Variants in EHBP1 observed in about 807,000 individuals in gnomAD.
EHBP1 encodes the protein EH domain binding protein 1.
Under a neutral mutation model 144.0 loss-of-function variants are expected in EHBP1, and 55 were observed. The observed-to-expected ratio is 0.38, with a 90% CI of 0.31 to 0.48. The LOEUF (loss-of-function observed/expected upper bound fraction) is 0.48, where lower values mean the gene tolerates loss of function less well. EHBP1 is among the 20% of genes least tolerant of loss of function. The pLI is 0.98. For synonymous variants in EHBP1, 469 were observed against 472.7 expected (o/e 0.99, Z 0.10); for missense variants, 1,200 against 1,364.2 (o/e 0.88, Z 1.90).
chr2:62,674,863 T>C (rs1163095484), intron 1 of EHBP1, among the ~76,000 whole-genome samples: 2 of 152,226 alleles, frequency 1.3e-5, no homozygotes, highest in Non-Finnish European at 1.5e-5. Flanking sequence ...ATTCCTGGCC[T>C]CAAATGATTC....
At chr2:62,805,649 G>A (rs1466121053) in intron 5 of EHBP1, among the ~76,000 whole-genome samples, 1 of 151,736 alleles carries the variant, frequency 6.6e-6, no homozygotes, top group Non-Finnish European at 1.5e-5. Flanking sequence ...TGAGTAGCTG[G>A]GACTACAGGT....
At chr2:62,847,700 C>G (rs981832600) in intron 7 of EHBP1, among the ~76,000 whole-genome samples, 2 of 152,042 alleles carry the variant, frequency 1.3e-5, no homozygotes, top group African/African-American at 4.8e-5. Flanking sequence ...AGAAAATGTA[C>G]GAGCAAGTCA....
chr2:63,018,522 A>G (rs1574489942), intron 19 of EHBP1, among the ~76,000 whole-genome samples: 1 of 152,330 alleles, frequency 6.6e-6, no homozygotes, highest in South Asian at 2.1e-4. Context: ...TCAGAAATGC[A>G]GAGGGCTTCC....
chr2:62,770,166 A>G (rs554961005), intron 4 of EHBP1, among the ~76,000 whole-genome samples: 2 of 152,354 alleles, frequency 1.3e-5, no homozygotes, highest in East Asian at 3.8e-4. Context: ...AAAGTTGACA[A>G]ATGAGATCTA....
chr2:62,880,176 C>T (rs1428570214), intron 10 of EHBP1, among the ~76,000 whole-genome samples: 1 of 152,112 alleles, frequency 6.6e-6, no homozygotes, highest in Non-Finnish European at 1.5e-5. Flanking sequence ...AAGATTGAAA[C>T]TGGACCCCTT....
At chr2:62,823,543 G>A (rs1413788395) in intron 5 of EHBP1, among the ~76,000 whole-genome samples, 2 of 152,104 alleles carry the variant, frequency 1.3e-5, no homozygotes, top group African/African-American at 2.4e-5. Context: ...TTGTTTGAGT[G>A]CAGTTATTTC....
At chr2:62,867,528 G>A (rs2050136080) in intron 9 of EHBP1, among the ~76,000 whole-genome samples, 1 of 152,044 alleles carries the variant, frequency 6.6e-6, no homozygotes, top group African/African-American at 2.4e-5. Flanking sequence ...ACAAAGATGT[G>A]CAATATGTAT....
chr2:62,842,454 C>T (rs1212520128), intron 7 of EHBP1, among the ~76,000 whole-genome samples: 2 of 152,130 alleles, frequency 1.3e-5, no homozygotes, highest in African/African-American at 4.8e-5. Flanking sequence ...ATGATCTCTC[C>T]GTAAGCTCCA....
At chr2:63,037,210 T>G (rs1177063147) in intron 19 of EHBP1, among the ~76,000 whole-genome samples, 1 of 151,998 alleles carries the variant, frequency 6.6e-6, no homozygotes, top group African/African-American at 2.4e-5. Flanking sequence ...CATATGTCTC[T>G]CAGCACTGTG....
intron 4 of EHBP1, among the ~76,000 whole-genome samples, chr2:62,770,629 C>T (rs1487666017): frequency 6.6e-6 from 1 of 152,172 alleles, no homozygotes; most frequent in African/African-American, 2.4e-5. Flanking sequence ...GGCAGAAGGA[C>T]CATTCAACCC....
At chr2:62,786,571 A>G (rs1459295447) in intron 5 of EHBP1, among the ~76,000 whole-genome samples, 1 of 152,168 alleles carries the variant, frequency 6.6e-6, no homozygotes, top group African/African-American at 2.4e-5. Flanking sequence ...CTATGTAGAA[A>G]ATATATCAAT....
intron 7 of EHBP1, among the ~76,000 whole-genome samples, chr2:62,858,734 T>C (rs2049274687): frequency 6.6e-6 from 1 of 152,218 alleles, no homozygotes; most frequent in Non-Finnish European, 1.5e-5. Context: ...TTTAAAACAT[T>C]TTCTAAGATA....
At chr2:62,965,859 A>AT (rs2058221791) in intron 14 of EHBP1, among the ~76,000 whole-genome samples, 1 of 152,008 alleles carries the variant, frequency 6.6e-6, no homozygotes, top group Non-Finnish European at 1.5e-5. Flanking sequence ...TGATATTCTG[A>AT]TTTTTTGCTT....
chr2:63,043,579 A>G (rs1012975571), intron 21 of EHBP1, among the ~76,000 whole-genome samples: 1 of 152,224 alleles, frequency 6.6e-6, no homozygotes, highest in Admixed American at 6.5e-5. Flanking sequence ...ATGATGATGC[A>G]TCTAATTTTT....
chr2:62,775,092 C>T (rs935307547), intron 5 of EHBP1, among the ~76,000 whole-genome samples: 4 of 152,064 alleles, frequency 2.6e-5, no homozygotes, highest in Admixed American at 1.3e-4. Context: ...TAATGAGCCA[C>T]CTTATTATTT....
At chr2:62,917,212 A>C (rs1408543307) in intron 10 of EHBP1, among the ~76,000 whole-genome samples, 1 of 152,146 alleles carries the variant, frequency 6.6e-6, no homozygotes, top group African/African-American at 2.4e-5. Context: ...TAAACATGAA[A>C]TAGGAGGGAG....
In EHBP1 at chr2:63,045,151, C is replaced by T. The variant is rs780207696; in HGVS notation, c.3363C>T (p.Leu1121=). 1.1e-5 allele frequency: 18 copies of T among 1,594,728 alleles called. No individual in the cohort carries two copies. The highest frequency in any genetic ancestry group is 2.3e-5 in the East Asian group (1 of 43,858). Residue 1121 remains leucine (L), a synonymous_variant, in exon 22 of 23, where the codon CTC becomes CTT. Transcript: ENST00000431489. The surrounding 1 kb of genome is among the most constrained non-coding windows in gnomAD (Gnocchi z 5.7). ...CCCTGGTGAACAAGCGCGATGCGCT[C>T]GTCAGGGACCTGGACGCGCAGGAGA... is the stretch of plus-strand genomic sequence containing the variant. ...LVALVNKRDA[L]VRDLDAQEKQ... is the part of the protein sequence containing the mutation.
intron 19 of EHBP1, among the ~76,000 whole-genome samples, chr2:63,000,434 G>A (rs910706152): frequency 5.3e-5 from 8 of 151,584 alleles, no homozygotes; most frequent in South Asian, 4.2e-4. Context: ...AGTGGCTCAC[G>A]CCTGTAATCC....
intron 2 of EHBP1, among the ~76,000 whole-genome samples, chr2:62,741,754 T>C (rs2038730162): frequency 6.6e-6 from 1 of 152,158 alleles, no homozygotes; most frequent in Non-Finnish European, 1.5e-5. Flanking sequence ...TGGATTCAGC[T>C]AACTGTGACT....
Sources: gnomAD v4.1 joint callset for allele counts (sites outside exome capture counted in the v4.1 genomes callset) on GRCh38, gnomAD v4.1.1 for gene constraint, Gnocchi (gnomAD v3.1) non-coding constraint, MANE v1.5 for transcripts, NCBI Gene and HGNC (gene_info 2026-07-23, HGNC 2026-07-21) for gene names.